NEDD4L: variants seen among roughly 807,000 people sequenced by gnomAD.
NEDD4L encodes the protein NEDD4 like E3 ubiquitin protein ligase, also known as E3 ubiquitin-protein ligase NEDD4-like.
Under a neutral mutation model 148.9 loss-of-function variants are expected in NEDD4L, and 54 were observed. The observed-to-expected ratio is 0.36, with a 90% confidence interval of 0.29 to 0.45. The LOEUF (loss-of-function observed/expected upper bound fraction) is 0.45. Among genes scored for constraint, NEDD4L ranks in the 20% least tolerant of loss-of-function variants. The pLI is 1.00. For synonymous variants in NEDD4L, 433 were observed against 440.7 expected (o/e 0.98, Z 0.22); for missense variants, 856 against 1,233.8 (o/e 0.69, Z 4.59).
In NEDD4L at chr18:58,335,408, T is replaced by TG; in HGVS notation, c.1066-67dup. 7 of 1,262,572 alleles carry TG rather than the reference T, an allele frequency of 5.5e-6. No homozygotes were observed. In the South Asian group the frequency reaches 8.4e-5, roughly 15 times the overall value. The allele number at this position is 1,262,572 out of a possible 1,614,324, so 78.2% of individuals were successfully genotyped here. A position where few individuals can be genotyped will look rare whatever the true frequency, so the allele number is the denominator to read the frequency against. On this transcript the variant is annotated intron_variant, in intron 12 of 30. Coordinates refer to ENST00000400345, the MANE Select transcript of NEDD4L (RefSeq NM_001144967.3). ...CTGCCTTACAGCGCTGCCACAGCAGTGGGCCCTGATTCAGACAGCAGGGGG... is the reference window on the plus strand; with the variant it reads ...CTGCCTTACAGCGCTGCCACAGCAGTGGGGCCCTGATTCAGACAGCAGGGGG...
chr18:58,206,374 G>T (rs2041989416), intron 2 of NEDD4L, among the ~76,000 whole-genome samples: 1 of 152,156 alleles, frequency 6.6e-6, no homozygotes, highest in South Asian at 2.1e-4. Context: ...GGGTGACATA[G>T]CGAGACTCCA....
At chr18:58,120,378 A>G (rs933795485) in intron 1 of NEDD4L, among the ~76,000 whole-genome samples, 2 of 152,252 alleles carry the variant, frequency 1.3e-5, no homozygotes, top group African/African-American at 4.8e-5. Context: ...GAGGTTAATT[A>G]CAGTTACCTC....
In NEDD4L at chr18:58,396,412, C is replaced by T; in HGVS notation, c.*143C>T. Reference sequence around the variant, plus strand: ...AGCCGAGCCTTCACCACGCACTCGTCCAAGTTCGGATGCGGGAACCTGGTC... The same window carrying T: ...AGCCGAGCCTTCACCACGCACTCGTTCAAGTTCGGATGCGGGAACCTGGTC... On this transcript the variant is annotated 3_prime_UTR_variant, in exon 31 of 31. Transcript: ENST00000400345. The T allele has an allele frequency of 1.7e-6, 1 of 581,430 alleles. No homozygotes were observed. Among genetic ancestry groups the T allele is most frequent in the Non-Finnish European group, 3.1e-6 (1 of 321,226 alleles). 36.0% of individuals were successfully genotyped at this position (581,430 alleles called of 1,614,324 possible). A position where few individuals can be genotyped will look rare whatever the true frequency, so the allele number is the denominator to read the frequency against.
At chr18:58,052,980 A>T (rs1340303611) in intron 1 of NEDD4L, among the ~76,000 whole-genome samples, 1 of 152,092 alleles carries the variant, frequency 6.6e-6, no homozygotes, top group Non-Finnish European at 1.5e-5. Flanking sequence ...AAAAGCTGTG[A>T]TGTGAAACCT....
At chr18:58,066,472 C>T (rs2082602787) in intron 1 of NEDD4L, among the ~76,000 whole-genome samples, 1 of 143,794 alleles carries the variant, frequency 7.0e-6, no homozygotes, top group Non-Finnish European at 1.5e-5. Flanking sequence ...CTTACTGCCA[C>T]CATGCCAGGC....
At chr18:58,089,559 A>C (rs2083950811) in intron 1 of NEDD4L, among the ~76,000 whole-genome samples, 1 of 152,186 alleles carries the variant, frequency 6.6e-6, no homozygotes, top group South Asian at 2.1e-4. Context: ...TGGGGTGGTG[A>C]GTGGTTTAAA....
At position 58,316,026 on chromosome 18, in the gene NEDD4L, C is replaced by A; in HGVS notation, c.342C>A (p.His114Gln). ...GCCAGGTGGACGTGCCCCTTAGTCA[C>A]CTTCCGGTAAGGACAGTCTCATGTT... ...FLGQVDVPLS[H>Q]LPTEDPTMER... Residue 114 changes from histidine to glutamine, a missense_variant, in exon 6 of 31, where the codon CAC (histidine) becomes CAA (glutamine). Physicochemically the swap from His to Gln is conservative, Grantham distance 24. Transcript: ENST00000400345. The A allele has an allele frequency of 6.2e-7, 1 of 1,613,110 alleles. No homozygotes were observed.
intron 2 of NEDD4L, chr18:58,194,173 A>T (rs2040418838): frequency 6.6e-6 from 1 of 152,254 alleles, no homozygotes; most frequent in South Asian, 2.1e-4. Context: ...TGAGAATGTT[A>T]ATGTAATAAA....
At chr18:58,351,966 C>T (rs533896668) in intron 18 of NEDD4L, among the ~76,000 whole-genome samples, 8 of 152,150 alleles carry the variant, frequency 5.3e-5, no homozygotes, top group South Asian at 4.1e-4. Flanking sequence ...AGGCATAGTA[C>T]GTTTTTCAGA....
chr18:58,140,352 C>G (rs1352888148), intron 1 of NEDD4L, among the ~76,000 whole-genome samples: 1 of 152,234 alleles, frequency 6.6e-6, no homozygotes, highest in African/African-American at 2.4e-5. Context: ...CAAAGGGCCA[C>G]TAGCACAAGG....
intron 2 of NEDD4L, among the ~76,000 whole-genome samples, chr18:58,230,723 T>TGA (rs1248601896): frequency 2.6e-5 from 4 of 152,202 alleles, no homozygotes; most frequent in African/African-American, 7.2e-5. Context: ...GTAAACACAC[T>TGA]GAGAATACCA....
intron 20 of NEDD4L, among the ~76,000 whole-genome samples, chr18:58,365,521 C>T (rs2146078646): frequency 6.6e-6 from 1 of 152,334 alleles, no homozygotes; most frequent in African/African-American, 2.4e-5. Context: ...ATCCCACTCC[C>T]CATGGCAACA....
intron 4 of NEDD4L, among the ~76,000 whole-genome samples, chr18:58,250,073 T>C (rs1167632349): frequency 6.6e-6 from 1 of 152,268 alleles, no homozygotes; most frequent in Non-Finnish European, 1.5e-5. Context: ...CATACTTTTT[T>C]CAGCTAATCT....
At chr18:58,106,389 C>G (rs967354625) in intron 1 of NEDD4L, among the ~76,000 whole-genome samples, 1 of 152,216 alleles carries the variant, frequency 6.6e-6, no homozygotes, top group African/African-American at 2.4e-5. Flanking sequence ...TGGGAAGGTA[C>G]CGAAAAAGCC....
intron 2 of NEDD4L, among the ~76,000 whole-genome samples, chr18:58,191,926 T>G (rs2040163715): frequency 6.6e-6 from 1 of 152,154 alleles, no homozygotes; most frequent in African/African-American, 2.4e-5. Context: ...ATCCCAACAC[T>G]TTGGGAGGCT....
At chr18:58,280,300 C>T (rs527574962) in intron 5 of NEDD4L, among the ~76,000 whole-genome samples, 20 of 152,274 alleles carry the variant, frequency 1.3e-4, no homozygotes, top group Non-Finnish European at 2.9e-4. Context: ...ACTGTCTGGC[C>T]CCATGCCACT....
At chr18:58,187,568 T>C (rs2039612265) in intron 2 of NEDD4L, among the ~76,000 whole-genome samples, 1 of 152,238 alleles carries the variant, frequency 6.6e-6, no homozygotes, top group Non-Finnish European at 1.5e-5. Flanking sequence ...TTTTCTGTAG[T>C]AGATGAAAAT....
chr18:58,180,960 G>A (rs2038798914), intron 2 of NEDD4L, among the ~76,000 whole-genome samples: 1 of 152,176 alleles, frequency 6.6e-6, no homozygotes, highest in Non-Finnish European at 1.5e-5. Context: ...ATTGTCAGGT[G>A]CATTTTTGTT....
At chr18:58,372,069 G>C (rs191132729) in intron 23 of NEDD4L, 1 of 152,026 alleles carries the variant, frequency 6.6e-6, no homozygotes, top group Non-Finnish European at 1.5e-5. Context: ...ACAAGAAAGG[G>C]GATAACTTAA....
Sources: gnomAD v4.1 joint callset for allele counts (sites outside exome capture counted in the v4.1 genomes callset) on GRCh38, gnomAD v4.1.1 for gene constraint, MANE v1.5 for transcripts, NCBI Gene and HGNC (gene_info 2026-07-23, HGNC 2026-07-21) for gene names.